Variants in ARL17B observed in about 807,000 individuals in gnomAD.
ARL17B encodes ADP-ribosylation factor-like protein 17.
chr17:46,285,316 C>T (rs1422470771), intron 4 of ARL17B, among the ~76,000 whole-genome samples: 1 of 151,092 alleles, frequency 6.6e-6, no homozygotes, highest in Non-Finnish European at 1.5e-5. Context: ...TCTTGGCTCA[C>T]TGCAACCTCT....
chr17:46,283,680 A>G lies in ARL17B; in HGVS notation c.*22-8262T>C, dbSNP rs150021958. Among the ~76,000 whole-genome samples, 106 of 152,302 alleles carry G rather than the reference A, an allele frequency of 7.0e-4. 3 individuals are homozygous for G. In the South Asian group the frequency reaches 0.012, roughly 18 times the overall value. On this transcript the variant is annotated intron_variant, in intron 4 of 4. Coordinates refer to the ARL17B transcript ENST00000570618. ...GTTAAGTGGAACGAGAGACTTGGAA[A>G]AGAAAAAGACACAGAGACAAAGTAC...
intron 4 of ARL17B, among the ~76,000 whole-genome samples, chr17:46,280,026 C>T (rs112254607): frequency 1.2e-4 from 18 of 151,026 alleles, no homozygotes; most frequent in African/African-American, 3.9e-4. Context: ...CACCTTGAGT[C>T]AGAGTAATTC....
chr17:46,317,178 G>GA (rs2051198777), intron 3 of ARL17B, among the ~76,000 whole-genome samples: 5 of 86,038 alleles, frequency 5.8e-5, no homozygotes, highest in Admixed American at 1.2e-4. Flanking sequence ...TCACATCCCA[G>GA]ACGGGCATGC....
rs568365251 is a variant in ARL17B at position 46,284,441 on chromosome 17, G to A, written c.*22-9023C>T. On this transcript the variant is annotated intron_variant, in intron 4 of 4. Coordinates refer to the ARL17B transcript ENST00000570618. ...ACACAGCACATGTCTCAGAGAGCAC[G>A]GGGTTGGGGGTAAGGTTATAAATTA... 5.3e-5 allele frequency among the ~76,000 whole-genome samples: 8 copies of A among 152,356 alleles called. No homozygotes were observed. In the East Asian group the frequency reaches 7.7e-4, roughly 15 times the overall value.
At position 46,305,342 on chromosome 17, in the gene ARL17B, C is replaced by G. The variant is rs1431809181; in HGVS notation, c.260-5677G>C. 4.6e-5 allele frequency among the ~76,000 whole-genome samples: 6 copies of G among 129,442 alleles called. No individual in the cohort carries two copies. The East Asian group carries it at 1.0e-3, about 22-fold the overall frequency. The allele number at this position is 129,442 out of a possible 152,430, so 84.9% of individuals were successfully genotyped here. On this transcript the variant is annotated intron_variant, in intron 3 of 4. Transcript: ENST00000434041. ...TTATTAAAACCATGAAGGTGAGACT[C>G]TAGGAGAGGTATGGGCAGGGTTAGG...
At chr17:46,285,399 C>G (rs2696503) in intron 4 of ARL17B, among the ~76,000 whole-genome samples, 19,435 of 150,906 alleles carry the variant, frequency 0.13, 2 homozygotes, top group Middle Eastern at 0.2. Context: ...CGCCACCACA[C>G]CCGACTAGTT....
chr17:46,276,770 T>G (rs1368812616), intron 4 of ARL17B, among the ~76,000 whole-genome samples: 1 of 152,064 alleles, frequency 6.6e-6, no homozygotes, highest in African/African-American at 2.4e-5. Context: ...TTCTTTGCAT[T>G]GTAATTTTTT....
chr17:46,282,066 A>G (rs1200078786), intron 4 of ARL17B, among the ~76,000 whole-genome samples: 7 of 151,812 alleles, frequency 4.6e-5, no homozygotes, highest in Non-Finnish European at 1.5e-5. Flanking sequence ...TAAAAATTGG[A>G]TACTTTAGCT....
chr17:46,290,135 A>G (rs1247321230), intron 4 of ARL17B, among the ~76,000 whole-genome samples: 1 of 152,208 alleles, frequency 6.6e-6, no homozygotes, highest in Admixed American at 6.5e-5. Flanking sequence ...AAACAAAACA[A>G]AACTTTTTTT....
At position 46,335,538 on chromosome 17, in the gene ARL17B, A is replaced by G. The variant is rs775461483; in HGVS notation, c.*3962T>C. The G allele has an allele frequency of 4.9e-5, 9 of 182,002 alleles. 3 individuals are homozygous for G. Among genetic ancestry groups the G allele is most frequent in the East Asian group, 2.7e-4 (9 of 32,850 alleles). 11.3% of individuals were successfully genotyped at this position (182,002 alleles called of 1,614,324 possible). A position where few individuals can be genotyped will look rare whatever the true frequency, so the allele number is the denominator to read the frequency against. On this transcript the variant is annotated 3_prime_UTR_variant, in exon 4 of 4. Coordinates refer to ENST00000450673, the MANE Select transcript of ARL17B (RefSeq NM_001039083.5). ...GATAATCTTAATTGCGTTTTCTTCT[A>G]AAACAGATATGTTGTCACCGAAGGT...
chr17:46,276,790 C>CTTTTCTT (rs2049598576), intron 4 of ARL17B, among the ~76,000 whole-genome samples: 2 of 134,308 alleles, frequency 1.5e-5, no homozygotes, highest in Non-Finnish European at 3.2e-5. Flanking sequence ...TTCTTTTTTT[C>CTTTTCTT]TTTTTTTTTT....
chr17:46,279,214 C>T lies in ARL17B; in HGVS notation c.*22-3796G>A, dbSNP rs181149684. Among the ~76,000 whole-genome samples, 1,118 of 140,086 alleles carry T rather than the reference C, an allele frequency of 8.0e-3. 3 individuals are homozygous for T. The highest frequency in any genetic ancestry group is 0.025 in the Middle Eastern group (5 of 202). 91.9% of individuals were successfully genotyped at this position (140,086 alleles called of 152,430 possible). A position where few individuals can be genotyped will look rare whatever the true frequency, so the allele number is the denominator to read the frequency against. ...TTTTTTTTTTTTTGAGACAGAGTCT[C>T]GCTCTGTCGCCTAGGCTGGAGTGCA... On this transcript the variant is annotated intron_variant, in intron 4 of 4. Coordinates refer to the ARL17B transcript ENST00000570618.
downstream of ARL17B, among the ~76,000 whole-genome samples, chr17:46,333,175 A>G (rs1463559178): frequency 3.9e-5 from 4 of 101,372 alleles, no homozygotes; most frequent in Non-Finnish European, 9.7e-5. Context: ...AAAGCACTAC[A>G]GAGTAGCCAT....
chr17:46,321,357 G>GA (rs763727306), intron 3 of ARL17B, among the ~76,000 whole-genome samples: 5,060 of 31,314 alleles, frequency 0.16, 63 homozygotes, highest in Admixed American at 0.22. Flanking sequence ...CTCCGTCTCA[G>GA]AAAAAAAAAA....
rs1291962875 is a variant in ARL17B, at chr17:46,314,387, T to C, written c.260-14722A>G. On this transcript the variant is annotated intron_variant, in intron 3 of 4. Transcript: ENST00000434041. ...ATTTAGGTATTTGACATATTTTGCA[T>C]CAATTCTTATAATCGTGTGAGATGT... 1.3e-4 allele frequency among the ~76,000 whole-genome samples: 9 copies of C among 70,334 alleles called. 1 individual carries two copies. The East Asian group carries it at 2.5e-3, about 20-fold the overall frequency. The allele number at this position is 70,334 out of a possible 152,430, so 46.1% of individuals were successfully genotyped here.
At chr17:46,291,797 C>A (rs1451566399) in intron 4 of ARL17B, among the ~76,000 whole-genome samples, 6 of 151,724 alleles carry the variant, frequency 4.0e-5, no homozygotes, top group African/African-American at 1.5e-4. Context: ...CAACAAAAAA[C>A]ACCCCAAAAT....
chr17:46,278,740 T>C (rs2049670215), intron 4 of ARL17B, among the ~76,000 whole-genome samples: 2 of 152,190 alleles, frequency 1.3e-5, no homozygotes, highest in Non-Finnish European at 2.9e-5. Flanking sequence ...AAAAATTATA[T>C]CATTCCATGC....
rs1332409953 is a variant in ARL17B at position 46,324,841 on chromosome 17, A to AAT, written c.260-25178_260-25177dup. Among the ~76,000 whole-genome samples, 10 of 74,680 alleles carry AAT rather than the reference A, an allele frequency of 1.3e-4. 4 individuals are homozygous for AAT. The highest frequency in any genetic ancestry group is 2.9e-4 in the Admixed American group (2 of 6,976). The allele number at this position is 74,680 out of a possible 152,430, so 49.0% of individuals were successfully genotyped here. ...GGTGACAGAGCAAGACCCTGTCTAA[A>AAT]ATATATATATATTTATATATATGTA... On this transcript the variant is annotated intron_variant, in intron 3 of 4. Transcript: ENST00000434041.
intron 3 of ARL17B, among the ~76,000 whole-genome samples, chr17:46,304,951 G>C (rs1447050625): frequency 4.4e-5 from 3 of 67,626 alleles, no homozygotes; most frequent in Non-Finnish European, 9.3e-5. Flanking sequence ...TCACTGCAAG[G>C]TCCGCCTCCT....
Sources: gnomAD v4.1 joint callset for allele counts (sites outside exome capture counted in the v4.1 genomes callset) on GRCh38, gnomAD v4.1.1 for gene constraint, MANE v1.5 for transcripts, NCBI Gene and HGNC (gene_info 2026-07-23, HGNC 2026-07-21) for gene names.